The following RBFOX3 variants were observed in gnomAD, a reference collection of about 807,000 sequenced individuals.
RBFOX3 encodes the protein RNA binding protein fox-1 homolog 3.
A neutral mutation model predicts 48.7 loss-of-function variants in RBFOX3; 17 were observed. The ratio of observed to expected loss-of-function variants is 0.35; its 90% CI spans 0.24 to 0.52. The LOEUF is 0.52. Ranked by LOEUF, RBFOX3 falls within the 20% of genes least tolerant of loss-of-function variation. The probability of loss-of-function intolerance (pLI) is 0.94; values close to 1 mark genes in which losing one functional copy is unlikely to be tolerated. For missense variants in RBFOX3, 382 were observed against 497.5 expected (o/e 0.77, Z 2.21); for synonymous variants, 212 against 209.5 (o/e 1.01, Z -0.10).
chr17:79,545,091 G>A (rs868969220), intron 1 of RBFOX3, among the ~76,000 whole-genome samples: 1 of 152,070 alleles, frequency 6.6e-6, no homozygotes, highest in Admixed American at 6.6e-5. Flanking sequence ...GCACAGGAAG[G>A]GGGCAGACGG....
At chr17:79,100,440 A>G (rs1271577918) in intron 9 of RBFOX3, 1 of 152,236 alleles carries the variant, frequency 6.6e-6, no homozygotes, top group East Asian at 1.9e-4. Context: ...TGAGGCCATG[A>G]GAATCAAGTC....
intron 3 of RBFOX3, among the ~76,000 whole-genome samples, chr17:79,261,191 C>T (rs2065712167): frequency 6.6e-6 from 1 of 152,198 alleles, no homozygotes; most frequent in Non-Finnish European, 1.5e-5. Context: ...CTGCCCATCT[C>T]CCCTATTGCA....
intron 3 of RBFOX3, among the ~76,000 whole-genome samples, chr17:79,270,742 G>A (rs2067518938): frequency 6.6e-6 from 1 of 152,198 alleles, no homozygotes; most frequent in East Asian, 1.9e-4. Context: ...TGGGCCTAGG[G>A]GGCAATGTGG....
intron 4 of RBFOX3, among the ~76,000 whole-genome samples, chr17:79,184,994 G>A (rs1248920070): frequency 6.6e-6 from 1 of 152,250 alleles, no homozygotes; most frequent in Non-Finnish European, 1.5e-5. Context: ...GAACAAGGAA[G>A]GGAGGGAGAG....
chr17:79,107,690 G>A (rs549730423), intron 5 of RBFOX3, among the ~76,000 whole-genome samples: 8 of 152,366 alleles, frequency 5.3e-5, no homozygotes, highest in South Asian at 4.1e-4. Flanking sequence ...GTGACTGTCC[G>A]AGGTGGCCAT....
At position 79,390,044 on chromosome 17, in the gene RBFOX3, AGGTCTCCGCAGCCGCCG is replaced by A. The variant is rs1568165424; in HGVS notation, c.-174-82237_-174-82221del. On this transcript the variant is annotated intron_variant, in intron 2 of 14. Transcript: ENST00000693108. This position sits in a 1 kb window ranked among gnomAD's most constrained non-coding sequence, Gnocchi z 4.2. ...CAGCCTCCAGGTCTCCGTAGCCTCC[AGGTCTCCGCAGCCGCCG>A]GGTCTCCGCAGCCTCCGGGTCTCCG... Among the ~76,000 whole-genome samples, 21 of 59,102 alleles carry A rather than the reference AGGTCTCCGCAGCCGCCG, an allele frequency of 3.6e-4. No individual in the cohort carries two copies. The highest frequency in any genetic ancestry group is 1.4e-3 in the South Asian group (2 of 1,382). 38.8% of individuals were successfully genotyped at this position (59,102 alleles called of 152,430 possible). A position where few individuals can be genotyped will look rare whatever the true frequency, so the allele number is the denominator to read the frequency against.
intron 2 of RBFOX3, among the ~76,000 whole-genome samples, chr17:79,438,851 G>T (rs2070174858): frequency 6.6e-6 from 1 of 152,242 alleles, no homozygotes; most frequent in South Asian, 2.1e-4. Flanking sequence ...CACTGCCTCA[G>T]AACTGGTCCA....
rs564763807 is a variant in RBFOX3, at chr17:79,379,150, G to A, written c.-174-71326C>T. 1.4e-4 allele frequency among the ~76,000 whole-genome samples: 21 copies of A among 152,330 alleles called. 1 individual carries two copies. Among genetic ancestry groups the A allele is most frequent in the African/African-American group, 4.3e-4 (18 of 41,570 alleles). The stretch of plus-strand genomic sequence containing the variant: ...CCCATCCTGGCACAGGAGGGCAACC[G>A]TCCCATGGCACGCGTCGGGGTGAGC... On this transcript the variant is annotated intron_variant, in intron 2 of 14. Coordinates refer to ENST00000693108, the MANE Select transcript of RBFOX3 (RefSeq NM_001350451.2).
intron 3 of RBFOX3, among the ~76,000 whole-genome samples, chr17:79,248,360 G>A (rs1216959832): frequency 4.6e-5 from 7 of 152,036 alleles, no homozygotes; most frequent in Admixed American, 4.6e-4. Context: ...AGCCTCCCGA[G>A]TAGCTGGGAC....
chr17:79,135,125 G>A (rs1009032522), intron 4 of RBFOX3: 1 of 152,262 alleles, frequency 6.6e-6, no homozygotes, highest in Non-Finnish European at 1.5e-5. Flanking sequence ...TGGCCCAGGG[G>A]GCAGCAGGTG....
chr17:79,620,602 C>T, the RBFOX3 span, among the ~76,000 whole-genome samples: 8 of 148,400 alleles, frequency 5.4e-5, no homozygotes, highest in African/African-American at 5.0e-5. Flanking sequence ...CACGCACGCA[C>T]GCACACATGC....
chr17:79,638,989 T>C, the RBFOX3 span, among the ~76,000 whole-genome samples: 59 of 152,042 alleles, frequency 3.9e-4, 1 homozygote, highest in East Asian at 7.5e-3. Flanking sequence ...TACAGAAAAA[T>C]ATCAAAGAAG....
chr17:79,258,129 C>T (rs140063238), intron 3 of RBFOX3, among the ~76,000 whole-genome samples: 8 of 152,268 alleles, frequency 5.3e-5, no homozygotes, highest in African/African-American at 1.7e-4. Context: ...GAGATTATGA[C>T]TCTTGGAAAA....
intron 2 of RBFOX3, among the ~76,000 whole-genome samples, chr17:79,466,869 G>T (rs974486477): frequency 6.6e-6 from 1 of 152,062 alleles, no homozygotes; most frequent in South Asian, 2.1e-4. Context: ...CAGCCCACAC[G>T]ACCAGGTGTG....
At chr17:79,616,427 T>G in the RBFOX3 span, among the ~76,000 whole-genome samples, 1 of 151,234 alleles carries the variant, frequency 6.6e-6, no homozygotes, top group Non-Finnish European at 1.5e-5. Context: ...TCCCAGCTAC[T>G]CAGGAGGCTG....
chr17:79,138,233 G>A (rs761775186), intron 4 of RBFOX3, among the ~76,000 whole-genome samples: 6 of 152,110 alleles, frequency 3.9e-5, no homozygotes, highest in South Asian at 2.1e-4. Flanking sequence ...TGTGCAACAC[G>A]CACACTCAGA....
Position 79,214,928 on chromosome 17 carries a change from C to T in RBFOX3, c.-34+20838G>A, listed in dbSNP as rs550359732. The stretch of plus-strand genomic sequence containing the variant: ...CTGGCAATTACCGCTAATTTGGAGA[C>T]GTTCTGCCTTGGCATCTTCGCCTGG... On this transcript the variant is annotated intron_variant, in intron 4 of 14. Transcript: ENST00000693108. The surrounding 1 kb of genome is among the most constrained non-coding windows in gnomAD (Gnocchi z 4.7). 3.9e-4 allele frequency among the ~76,000 whole-genome samples: 60 copies of T among 152,308 alleles called. No individual in the cohort carries two copies. The highest frequency in any genetic ancestry group is 6.2e-4 in the South Asian group (3 of 4,832).
At chr17:79,181,778 C>G (rs533487581) in intron 4 of RBFOX3, among the ~76,000 whole-genome samples, 1 of 152,210 alleles carries the variant, frequency 6.6e-6, no homozygotes, top group African/African-American at 2.4e-5. Context: ...TTGTAACGGG[C>G]TGACCCAAGT....
At chr17:79,337,640 G>A (rs1438056467) in intron 2 of RBFOX3, among the ~76,000 whole-genome samples, 1 of 152,156 alleles carries the variant, frequency 6.6e-6, no homozygotes, top group Non-Finnish European at 1.5e-5. Flanking sequence ...GCCAGGTCTC[G>A]TGGCACACAC....
Sources: gnomAD v4.1 joint callset for allele counts (sites outside exome capture counted in the v4.1 genomes callset) on GRCh38, gnomAD v4.1.1 for gene constraint, Gnocchi (gnomAD v3.1) non-coding constraint, MANE v1.5 for transcripts, NCBI Gene and HGNC (gene_info 2026-07-23, HGNC 2026-07-21) for gene names.